The following EDIL3 variants were observed in gnomAD, a reference collection of about 807,000 sequenced individuals.
EDIL3 encodes EGF like and discoidin domains 3.
In EDIL3, 37 loss-of-function variants were observed where a neutral mutation model predicts 67.4. That is an observed-to-expected ratio of 0.55 (90% CI 0.42 to 0.72). The LOEUF (loss-of-function observed/expected upper bound fraction) is 0.72, where lower values mean the gene tolerates loss of function less well. EDIL3 is among the 30% of genes least tolerant of loss of function. EDIL3 has a pLI of 0.00. For synonymous variants in EDIL3, 195 were observed against 196.3 expected, an observed-to-expected ratio of 0.99 and a Z score of 0.05; for missense variants, 527 against 586.3, an observed-to-expected ratio of 0.90 and a Z score of 1.04.
Position 84,086,998 on chromosome 5 carries a change from T to C in EDIL3, c.651+19651A>G, listed in dbSNP as rs201154940. Among the ~76,000 whole-genome samples the C allele has an allele frequency of 3.9e-5, 6 of 152,250 alleles. No individual in the cohort carries two copies. The East Asian group carries it at 1.2e-3, about 30-fold the overall frequency. On this transcript the variant is annotated intron_variant, in intron 6 of 10. Transcript: ENST00000296591. ...AAAAAAATTCCTAGGAACCACCATG[T>C]GACACTTTTGCTTATATGCCTTTGA...
intron 1 of EDIL3, among the ~76,000 whole-genome samples, chr5:84,281,806 G>C (rs952065361): frequency 4.8e-5 from 7 of 145,218 alleles, no homozygotes; most frequent in African/African-American, 1.8e-4. Flanking sequence ...GAACACCTAT[G>C]TATCTACCAC....
At chr5:83,965,719 AAC>A (rs1326151773) in intron 9 of EDIL3, among the ~76,000 whole-genome samples, 18 of 151,918 alleles carry the variant, frequency 1.2e-4, no homozygotes, top group African/African-American at 4.1e-4. Flanking sequence ...GGCACTTTCC[AAC>A]AGATACGTTT....
At chr5:83,987,541 T>C (rs1745075566) in intron 9 of EDIL3, among the ~76,000 whole-genome samples, 1 of 152,166 alleles carries the variant, frequency 6.6e-6, no homozygotes, top group Admixed American at 6.6e-5. Flanking sequence ...ACCTTTTAGG[T>C]GTGCTAGAAA....
chr5:84,031,669 C>A (rs1745926300), intron 9 of EDIL3, among the ~76,000 whole-genome samples: 1 of 152,116 alleles, frequency 6.6e-6, no homozygotes, highest in Admixed American at 6.5e-5. Context: ...AGTGTCCTCA[C>A]CAGAACCCTA....
chr5:84,018,570 C>T (rs577302591), intron 9 of EDIL3, among the ~76,000 whole-genome samples: 17 of 152,252 alleles, frequency 1.1e-4, no homozygotes, highest in Admixed American at 7.9e-4. Context: ...AAAGTGCCAT[C>T]GGCACCTGGC....
At chr5:84,327,049 T>C (rs1472243413) in intron 1 of EDIL3, among the ~76,000 whole-genome samples, 1 of 152,004 alleles carries the variant, frequency 6.6e-6, no homozygotes, top group Non-Finnish European at 1.5e-5. Flanking sequence ...TATGTATACA[T>C]TGTGAAACGA....
intron 2 of EDIL3, among the ~76,000 whole-genome samples, chr5:84,230,742 C>T (rs1026640955): frequency 1.4e-5 from 2 of 146,374 alleles, no homozygotes; most frequent in African/African-American, 2.6e-5. Context: ...CCAGTTCTCT[C>T]TCTCTCTCTC....
At chr5:84,356,993 C>A (rs552049611) in intron 1 of EDIL3, among the ~76,000 whole-genome samples, 12 of 138,876 alleles carry the variant, frequency 8.6e-5, no homozygotes, top group South Asian at 4.9e-4. Context: ...GGCACGATCT[C>A]GGCTCACTGA....
intron 4 of EDIL3, among the ~76,000 whole-genome samples, chr5:84,160,735 CT>C (rs1424183802): frequency 4.9e-5 from 6 of 122,932 alleles, no homozygotes; most frequent in African/African-American, 1.7e-4. Flanking sequence ...TCTTTTTTTT[CT>C]TTTCTTTTCT....
intron 3 of EDIL3, among the ~76,000 whole-genome samples, chr5:84,217,721 A>AACACACACAC (rs61264723): frequency 0.03 from 3,982 of 134,926 alleles, 94 homozygotes; most frequent in Non-Finnish European, 0.042. Flanking sequence ...TATACACACA[A>AACACACACAC]ACACACACAC....
chr5:84,263,450 G>A (rs1226062016), intron 1 of EDIL3, among the ~76,000 whole-genome samples: 1 of 152,168 alleles, frequency 6.6e-6, no homozygotes, highest in Non-Finnish European at 1.5e-5. Flanking sequence ...TAGAAGTAAT[G>A]ATGCAATTCT....
chr5:84,273,099 C>T (rs1404018454), intron 1 of EDIL3, among the ~76,000 whole-genome samples: 1 of 152,030 alleles, frequency 6.6e-6, no homozygotes, highest in Non-Finnish European at 1.5e-5. Context: ...ATTACAGATT[C>T]ACATCCAAAC....
intron 9 of EDIL3, chr5:84,047,705 A>T (rs1181539068): frequency 6.6e-6 from 1 of 152,002 alleles, no homozygotes; most frequent in Admixed American, 6.6e-5. Context: ...TAGTATCTCC[A>T]TTTTACATAA....
intron 9 of EDIL3, among the ~76,000 whole-genome samples, chr5:83,975,987 A>G (rs1744871003): frequency 6.6e-6 from 1 of 151,952 alleles, no homozygotes; most frequent in African/African-American, 2.4e-5. Flanking sequence ...AAATGCTAAA[A>G]TATCTATTAC....
intron 10 of EDIL3, among the ~76,000 whole-genome samples, chr5:83,959,592 GA>G (rs34807245): frequency 0.26 from 38,883 of 150,772 alleles, 5,165 homozygotes; most frequent in Admixed American, 0.33. Context: ...TTGTCTGGAT[GA>G]AAGCTTGTGG....
At position 84,238,945 on chromosome 5, in the gene EDIL3, A is replaced by C. The variant is rs1251553344; in HGVS notation, c.197-9061T>G. Among the ~76,000 whole-genome samples the C allele has an allele frequency of 2.6e-5, 4 of 152,114 alleles. No homozygotes were observed. The East Asian group carries it at 7.7e-4, about 29-fold the overall frequency. ...TTTCTAATCTTTTAGAATATTTTCA[A>C]GTCTTGAATGCAAACTATTAATTTC... On this transcript the variant is annotated intron_variant, in intron 2 of 10. Transcript: ENST00000296591.
At chr5:84,311,234 T>C (rs1052810339) in intron 1 of EDIL3, among the ~76,000 whole-genome samples, 27 of 152,068 alleles carry the variant, frequency 1.8e-4, no homozygotes, top group African/African-American at 6.5e-4. Context: ...TGTTAACTTA[T>C]ATTAGCTTCA....
At chr5:84,280,842 G>A (rs1004495703) in intron 1 of EDIL3, among the ~76,000 whole-genome samples, 1 of 150,876 alleles carries the variant, frequency 6.6e-6, no homozygotes, top group Non-Finnish European at 1.5e-5. Flanking sequence ...TACACAGGAG[G>A]ATGAGGGCTT....
intron 6 of EDIL3, among the ~76,000 whole-genome samples, chr5:84,084,088 T>A (rs538237849): frequency 6.6e-6 from 1 of 152,162 alleles, no homozygotes; most frequent in Non-Finnish European, 1.5e-5. Context: ...ATACTTTATA[T>A]GTTTTCAAAA....
Sources: allele counts gnomAD v4.1 joint callset (sites outside exome capture counted in the v4.1 genomes callset), GRCh38; gene constraint gnomAD v4.1.1; transcripts MANE v1.5; gene names NCBI Gene and HGNC (gene_info 2026-07-23, HGNC 2026-07-21).